Variants in ITGA6 observed in about 807,000 individuals in gnomAD.
The protein encoded by ITGA6 is integrin alpha-6.
A neutral mutation model predicts 133.6 loss-of-function variants in ITGA6; 63 were observed. That is an observed-to-expected ratio of 0.47 (90% CI 0.38 to 0.58). The LOEUF (loss-of-function observed/expected upper bound fraction) is 0.58. Among genes scored for constraint, ITGA6 ranks in the 20% least tolerant of loss-of-function variants. The pLI is 0.00. For synonymous variants in ITGA6, 434 were observed against 482.0 expected (o/e 0.90, Z 1.30); for missense variants, 1,068 against 1,309.4 (o/e 0.82, Z 2.85).
chr2:172,429,158 C>A (rs1684005074), intron 1 of ITGA6, among the ~76,000 whole-genome samples: 1 of 149,260 alleles, frequency 6.7e-6, no homozygotes, highest in South Asian at 2.2e-4. Context: ...AATGTTGCAG[C>A]CCCTGAATTT....
chr2:172,470,597 CA>C (rs978037198), intron 4 of ITGA6, among the ~76,000 whole-genome samples: 1 of 150,940 alleles, frequency 6.6e-6, no homozygotes, highest in Non-Finnish European at 1.5e-5. Context: ...TTTTACACTG[CA>C]AAAAAAAGAC....
Position 172,504,324 on chromosome 2 carries a change from T to A in ITGA6, c.*256T>A. 8.5e-7 allele frequency: 1 copy of A among 1,182,646 alleles called. No individual in the cohort carries two copies. Among genetic ancestry groups the A allele is most frequent in the Non-Finnish European group, 1.2e-6 (1 of 845,656 alleles). The allele number at this position is 1,182,646 out of a possible 1,614,324, so 73.3% of individuals were successfully genotyped here. A position where few individuals can be genotyped will look rare whatever the true frequency, so the allele number is the denominator to read the frequency against. On this transcript the variant is annotated 3_prime_UTR_variant, in exon 26 of 26. Coordinates refer to ENST00000684293, the MANE Select transcript of ITGA6 (RefSeq NM_000210.4). ...CCAACTCAGAAATTCAATTTGGATTTAAAAGCCTGCTCAATCCCTGAGGAC... is the reference window on the plus strand; with the variant it reads ...CCAACTCAGAAATTCAATTTGGATTAAAAAGCCTGCTCAATCCCTGAGGAC...
chr2:172,451,300 A>G (rs978365971), intron 1 of ITGA6, among the ~76,000 whole-genome samples: 1 of 151,744 alleles, frequency 6.6e-6, no homozygotes, highest in Non-Finnish European at 1.5e-5. Context: ...CCCTGTCTCT[A>G]CTAAAAATAC....
chr2:172,473,891 C>T (rs899390919), intron 5 of ITGA6, among the ~76,000 whole-genome samples, 164 bp from the exon 6 acceptor site: 2 of 151,944 alleles, frequency 1.3e-5, no homozygotes, highest in African/African-American at 4.8e-5. Flanking sequence ...CCTTGTGTCA[C>T]ATCTGAACTC....
chr2:172,465,552 G>T lies in ITGA6; in HGVS notation c.196G>T (p.Ala66Ser), dbSNP rs1685621698. 1 of 1,614,172 alleles carries T rather than the reference G, an allele frequency of 6.2e-7. No homozygotes were observed. Among genetic ancestry groups the T allele is most frequent in the Non-Finnish European group, 8.5e-7 (1 of 1,180,024 alleles). ...PEDKRLLLVGAPRAEALPLQR... is the reference protein window; with the variant it reads ...PEDKRLLLVGSPRAEALPLQR... ...TTTCATCAACAGGTTGCTCGTGGGG[G>T]CCCCGCGGGCAGAAGCGCTTCCACT... The change falls in exon 2 of 26, where the codon GCC (alanine) becomes TCC (serine). Residue 66 changes from alanine (A) to serine (S), a missense_variant. Coordinates refer to ENST00000684293, the MANE Select transcript of ITGA6 (RefSeq NM_000210.4).
chr2:172,478,544 G>A (rs376355370), intron 9 of ITGA6, among the ~76,000 whole-genome samples: 18 of 152,184 alleles, frequency 1.2e-4, no homozygotes, highest in Non-Finnish European at 2.2e-4. Flanking sequence ...GCCTGTGGCA[G>A]CAGTTGGGCC....
chr2:172,465,862 T>G (rs923564265), intron 2 of ITGA6, 199 bp downstream of exon 2: 6 of 764,060 alleles, frequency 7.9e-6, no homozygotes, highest in Non-Finnish European at 1.1e-5. Context: ...CGTGTTTTGC[T>G]GCTCCTCCTA....
intron 3 of ITGA6, 106 bp downstream of exon 3, chr2:172,467,666 T>TA: frequency 1.1e-6 from 1 of 881,712 alleles, no homozygotes; most frequent in Non-Finnish European, 1.9e-6. Flanking sequence ...CTAGCGAACT[T>TA]ACTGCTTTAA....
intron 1 of ITGA6, among the ~76,000 whole-genome samples, chr2:172,441,638 C>T (rs1351683620): frequency 1.4e-5 from 2 of 140,666 alleles, no homozygotes; most frequent in East Asian, 2.1e-4. Flanking sequence ...CATCTGTGAA[C>T]GAGAGTAGAC....
rs561628983 is a variant in ITGA6 at position 172,459,485 on chromosome 2, C to G, written c.183-6054C>G. Among the ~76,000 whole-genome samples, 16 of 152,114 alleles carry G rather than the reference C, an allele frequency of 1.1e-4. No individual in the cohort carries two copies. In the South Asian group the frequency reaches 3.3e-3, roughly 32 times the overall value. On this transcript the variant is annotated intron_variant, in intron 1 of 25. Coordinates refer to ENST00000684293, the MANE Select transcript of ITGA6 (RefSeq NM_000210.4). ...TGCCACTGCACTCCAGCCTGGGCAA[C>G]AGAGAGAGACTGTCTCAAAAAAAAG...
Position 172,471,088 on chromosome 2 carries a change from C to T in ITGA6, c.758C>T (p.Pro253Leu). 6.2e-7 allele frequency: 1 copy of T among 1,614,180 alleles called. No homozygotes were observed. Residue 253 changes from proline to leucine, a missense_variant, in exon 5 of 26, where the codon CCT becomes CTT. Pro to Leu is a moderately conservative substitution (Grantham distance 98, BLOSUM62 -3). Coordinates refer to ENST00000684293, the MANE Select transcript of ITGA6 (RefSeq NM_000210.4). Reference sequence around the variant, plus strand: ...CATGATGAAAGTCTCGTTCCTGTTCCTGCTAACAGTTACTTAGGTAGGAGC... The same window carrying T: ...CATGATGAAAGTCTCGTTCCTGTTCTTGCTAACAGTTACTTAGGTAGGAGC... ...TEHDESLVPV[P>L]ANSYLGFSLD...
Position 172,467,462 on chromosome 2 carries a change from A to C in ITGA6, c.308-19A>C. The C allele has an allele frequency of 6.2e-7, 1 of 1,604,616 alleles. No individual in the cohort carries two copies. Among genetic ancestry groups the C allele is most frequent in the Non-Finnish European group, 8.5e-7 (1 of 1,171,590 alleles). ...GCATGTGCAGTCACTTGGAAGGCTAACTATGCTCCTTTCTACAGCTGACCC... is the reference window on the plus strand; with the variant it reads ...GCATGTGCAGTCACTTGGAAGGCTACCTATGCTCCTTTCTACAGCTGACCC... On this transcript the variant is annotated intron_variant, in intron 2 of 25. Coordinates refer to ENST00000684293, the MANE Select transcript of ITGA6 (RefSeq NM_000210.4).
chr2:172,433,130 A>G (rs1684174666), intron 1 of ITGA6, among the ~76,000 whole-genome samples: 1 of 152,180 alleles, frequency 6.6e-6, no homozygotes, highest in African/African-American at 2.4e-5. Context: ...AAGTGGACGT[A>G]GTCTCAGCCC....
At chr2:172,497,849 G>A (rs1687192130) in intron 23 of ITGA6, 126 bp from the exon 24 acceptor site, 1 of 907,144 alleles carries the variant, frequency 1.1e-6, no homozygotes, top group Non-Finnish European at 1.8e-6. Context: ...GCATCAGAAA[G>A]TCATCTCATC....
Position 172,505,308 on chromosome 2 carries a change from A to G in ITGA6, c.*1240A>G, listed in dbSNP as rs1481684176. ...CTAGTGCGGTTTACTCACTGCTGCA[A>G]ATACTGTATATTCAGGACTTGAAAG... On this transcript the variant is annotated 3_prime_UTR_variant, in exon 26 of 26. Transcript: ENST00000684293. The G allele has an allele frequency of 6.6e-6, 1 of 152,190 alleles. No individual in the cohort carries two copies. Among genetic ancestry groups the G allele is most frequent in the East Asian group, 1.9e-4 (1 of 5,198 alleles). The allele number at this position is 152,190 out of a possible 1,614,324, so 9.4% of individuals were successfully genotyped here. A position where few individuals can be genotyped will look rare whatever the true frequency, so the allele number is the denominator to read the frequency against.
At chr2:172,444,639 C>G (rs1206809544) in intron 1 of ITGA6, among the ~76,000 whole-genome samples, 2 of 132,782 alleles carry the variant, frequency 1.5e-5, no homozygotes, top group Admixed American at 8.9e-5. Context: ...CTTGTAGTCC[C>G]AAGCATTTCA....
At chr2:172,446,410 C>T (rs1684770642) in intron 1 of ITGA6, among the ~76,000 whole-genome samples, 1 of 152,152 alleles carries the variant, frequency 6.6e-6, no homozygotes, top group Admixed American at 6.5e-5. Context: ...GCTTGGTACA[C>T]TTGAAATAGA....
chr2:172,493,283 C>T (rs1371522411), intron 23 of ITGA6, among the ~76,000 whole-genome samples: 5 of 152,090 alleles, frequency 3.3e-5, no homozygotes, highest in Non-Finnish European at 5.9e-5. Context: ...AGCACTGTCC[C>T]GGTCTCTCCA....
chr2:172,467,629 A>G (rs1357499282), intron 3 of ITGA6, 69 bp downstream of exon 3: 3 of 1,115,846 alleles, frequency 2.7e-6, no homozygotes, highest in Non-Finnish European at 4.1e-6. Context: ...CCAGGCTTAC[A>G]GCAGGGGACA....
Sources: allele counts gnomAD v4.1 joint callset (sites outside exome capture counted in the v4.1 genomes callset), GRCh38; gene constraint gnomAD v4.1.1; transcripts MANE v1.5; gene names NCBI Gene and HGNC (gene_info 2026-07-23, HGNC 2026-07-21).